Variants in EHBP1 observed in about 807,000 individuals in gnomAD.
The protein encoded by EHBP1 is EH domain-binding protein 1.
In EHBP1, 55 loss-of-function variants were observed where a neutral mutation model predicts 144.0. That is an observed-to-expected ratio of 0.38 (90% CI 0.31 to 0.48). The LOEUF (loss-of-function observed/expected upper bound fraction) is 0.48. Among genes scored for constraint, EHBP1 ranks in the 20% least tolerant of loss-of-function variants. The pLI, the probability that EHBP1 is intolerant of heterozygous loss-of-function variation, is 0.98. For synonymous variants in EHBP1, 469 were observed against 472.7 expected (o/e 0.99, Z 0.10); for missense variants, 1,200 against 1,364.2 (o/e 0.88, Z 1.90).
At chr2:62,918,428 A>T (rs1467603987) in intron 10 of EHBP1, among the ~76,000 whole-genome samples, 1 of 152,078 alleles carries the variant, frequency 6.6e-6, no homozygotes, top group Non-Finnish European at 1.5e-5. Context: ...TCCCTTTGTG[A>T]TTCTAGCAAA....
chr2:62,980,160 T>C (rs1021828249), intron 15 of EHBP1, among the ~76,000 whole-genome samples: 1 of 152,096 alleles, frequency 6.6e-6, no homozygotes, highest in Non-Finnish European at 1.5e-5. Context: ...CAGGAACTGG[T>C]TTTATGGAAG....
intron 5 of EHBP1, among the ~76,000 whole-genome samples, chr2:62,776,821 TCATC>T (rs1404579973): frequency 8.5e-5 from 13 of 152,308 alleles, no homozygotes; most frequent in Admixed American, 3.3e-4. Flanking sequence ...TAACATCTGT[TCATC>T]CAGACAGTTG....
rs547014721 is a variant in EHBP1 at position 62,773,278 on chromosome 2, T to G, written c.312+1886T>G. ...CTTTCTGCCAATATCAACTCCTGTA[T>G]AGTGAGATTTGAGAATAATTTTTTT... On this transcript the variant is annotated intron_variant, in intron 5 of 22. Transcript: ENST00000431489. 2.7e-4 allele frequency among the ~76,000 whole-genome samples: 41 copies of G among 152,282 alleles called. 3 individuals carry two copies. In the South Asian group the frequency reaches 8.3e-3, roughly 31 times the overall value.
At chr2:62,879,881 C>A (rs559762367) in intron 10 of EHBP1, among the ~76,000 whole-genome samples, 78 of 150,726 alleles carry the variant, frequency 5.2e-4, no homozygotes, top group Non-Finnish European at 9.3e-4. Flanking sequence ...TATGGAAAAA[C>A]AACAACAACA....
In EHBP1 at chr2:62,826,284, C is replaced by A; in HGVS notation, c.494+16C>A. On this transcript the variant is annotated intron_variant, in intron 6 of 22. Transcript: ENST00000431489. ...GAAAAGCCACGTAAGTTTCTTTTGTCAAATAAGCTTCCTTACATTGTGTTT... is the reference window on the plus strand; with the variant it reads ...GAAAAGCCACGTAAGTTTCTTTTGTAAAATAAGCTTCCTTACATTGTGTTT... 6.3e-7 allele frequency: 1 copy of A among 1,583,190 alleles called. No homozygotes were observed. Among genetic ancestry groups the A allele is most frequent in the Non-Finnish European group, 8.6e-7 (1 of 1,166,970 alleles).
At chr2:62,789,339 A>G (rs889454290) in intron 5 of EHBP1, among the ~76,000 whole-genome samples, 1 of 152,202 alleles carries the variant, frequency 6.6e-6, no homozygotes, top group African/African-American at 2.4e-5. Context: ...TATTTACGTA[A>G]TTACATCTGC....
chr2:62,994,026 G>A, intron 18 of EHBP1, 49 bp downstream of exon 18: 1 of 1,313,812 alleles, frequency 7.6e-7, no homozygotes, highest in Non-Finnish European at 1.1e-6. Context: ...ATTCCAAACT[G>A]TATGTGGAAA....
intron 19 of EHBP1, among the ~76,000 whole-genome samples, chr2:63,020,968 G>A (rs13423542): frequency 1.2e-3 from 177 of 146,444 alleles, no homozygotes; most frequent in Middle Eastern, 0.011. Flanking sequence ...ATGAGCCACC[G>A]TGCCTGGCCT....
chr2:62,826,440 TTTGACTCCAGAGAATGTAC>T, intron 6 of EHBP1, 172 bp downstream of exon 6: 1 of 522,024 alleles, frequency 1.9e-6, no homozygotes, highest in South Asian at 3.8e-5. Flanking sequence ...AATAGTCTCT[TTTGACTCCAGAGAATGTAC>T]AGTAATATAA....
intron 2 of EHBP1, among the ~76,000 whole-genome samples, chr2:62,745,199 G>C (rs1043574034): frequency 8.5e-5 from 13 of 152,098 alleles, no homozygotes; most frequent in Non-Finnish European, 1.5e-5. Context: ...CCTTGTACTA[G>C]ATTATTAGTT....
chr2:62,996,819 ACT>A, intron 19 of EHBP1, 53 bp downstream of exon 19: 1 of 1,592,264 alleles, frequency 6.3e-7, no homozygotes, highest in South Asian at 1.1e-5. Context: ...GCGTTCACAA[ACT>A]CTTATAGAGT....
rs147461972 is a variant in EHBP1 at position 62,949,010 on chromosome 2, A to T, written c.2164A>T (p.Ser722Cys). 3.7e-6 allele frequency: 6 copies of T among 1,613,774 alleles called. No homozygotes were observed. In the African/African-American group the frequency reaches 6.7e-5, roughly 18 times the overall value. Residue 722 changes from serine to cysteine, a missense_variant, in exon 13 of 23, where the codon AGT (serine) becomes TGT (cysteine). By Grantham distance (112) the Ser-to-Cys change is moderately radical. This residue lies in a region of EHBP1 where 543 missense variants were observed against 513.1 expected (regional missense o/e 1.06). Coordinates refer to ENST00000431489, the MANE Select transcript of EHBP1 (RefSeq NM_001142616.3). ...TCCAGAATCTCCTATCAAAAAAACA[A>T]GTTTATCTCCTACTTCTAAACTTGG... ...SDPESPIKKTSLSPTSKLGYS... is the reference protein window; with the variant it reads ...SDPESPIKKTCLSPTSKLGYS...
At chr2:62,904,207 A>C (rs2053628451) in intron 10 of EHBP1, among the ~76,000 whole-genome samples, 1 of 152,214 alleles carries the variant, frequency 6.6e-6, no homozygotes, top group South Asian at 2.1e-4. Flanking sequence ...CCTATGTCTT[A>C]CTGGTTTGGT....
intron 7 of EHBP1, among the ~76,000 whole-genome samples, chr2:62,857,354 G>T (rs2049141771): frequency 6.6e-6 from 1 of 152,076 alleles, no homozygotes; most frequent in African/African-American, 2.4e-5. Flanking sequence ...TTGTTTTTGT[G>T]TCCGAAGAAT....
intron 10 of EHBP1, among the ~76,000 whole-genome samples, chr2:62,935,530 C>T (rs910748955): frequency 1.3e-5 from 2 of 151,648 alleles, no homozygotes; most frequent in Non-Finnish European, 2.9e-5. Flanking sequence ...TATAGGAATA[C>T]AGTTGGTTTT....
intron 2 of EHBP1, among the ~76,000 whole-genome samples, chr2:62,734,962 G>A (rs141841288): frequency 1.8e-4 from 28 of 152,184 alleles, no homozygotes; most frequent in Non-Finnish European, 3.1e-4. Context: ...GTGCAGTGGC[G>A]CGATCACGGC....
chr2:62,788,515 G>A (rs1440214309), intron 5 of EHBP1, among the ~76,000 whole-genome samples: 3 of 151,460 alleles, frequency 2.0e-5, no homozygotes, highest in Non-Finnish European at 4.4e-5. Context: ...TAGAAAATTA[G>A]GAAACTTAAA....
At chr2:63,006,290 C>T (rs913275655) in intron 19 of EHBP1, among the ~76,000 whole-genome samples, 5 of 151,714 alleles carry the variant, frequency 3.3e-5, no homozygotes. Flanking sequence ...CACTCATTGA[C>T]ATCTAGGAAT....
intron 15 of EHBP1, among the ~76,000 whole-genome samples, chr2:62,983,567 GTC>G (rs2153210587): frequency 6.6e-6 from 1 of 152,208 alleles, no homozygotes; most frequent in South Asian, 2.1e-4. Context: ...TTGAGACAGA[GTC>G]TCACTCTGTT....
Sources: gnomAD v4.1 joint callset for allele counts (sites outside exome capture counted in the v4.1 genomes callset) on GRCh38, gnomAD v4.1.1 for gene constraint, gnomAD v4.1.1 regional missense constraint, MANE v1.5 for transcripts, NCBI Gene and HGNC (gene_info 2026-07-23, HGNC 2026-07-21) for gene names.